PLD1: variants seen among roughly 807,000 people sequenced by gnomAD.
The protein encoded by PLD1 is choline phosphatase 1.
A neutral mutation model predicts 137.1 loss-of-function variants in PLD1; 112 were observed. The ratio of observed to expected loss-of-function variants is 0.82; its 90% CI spans 0.70 to 0.96. PLD1 has a LOEUF of 0.96. PLD1 is among the 40% of genes least tolerant of loss of function. The probability of loss-of-function intolerance (pLI) is 0.00; values close to 1 mark genes in which losing one functional copy is unlikely to be tolerated. For missense variants in PLD1, 1,321 were observed against 1,342.0 expected, an observed-to-expected ratio of 0.98 and a Z score of 0.24; for synonymous variants, 431 against 454.7, an observed-to-expected ratio of 0.95 and a Z score of 0.66.
chr3:171,627,502 A>G (rs1389075313), intron 23 of PLD1, among the ~76,000 whole-genome samples: 6 of 152,192 alleles, frequency 3.9e-5, no homozygotes, highest in Admixed American at 6.5e-5. Context: ...CTCTGCACCA[A>G]GCGGACCTAA....
intron 19 of PLD1, among the ~76,000 whole-genome samples, chr3:171,673,324 C>G (rs552841241): frequency 8.5e-5 from 13 of 152,182 alleles, no homozygotes; most frequent in African/African-American, 3.1e-4. Context: ...CTCTGTCACC[C>G]AGGCTGGACT....
chr3:171,614,790 G>A (rs1732961539), intron 24 of PLD1, among the ~76,000 whole-genome samples: 1 of 152,212 alleles, frequency 6.6e-6, no homozygotes, highest in African/African-American at 2.4e-5. Flanking sequence ...CGGGTCAGGA[G>A]AACCTGGGAT....
intron 23 of PLD1, among the ~76,000 whole-genome samples, chr3:171,638,822 G>T (rs1243667604): frequency 6.6e-6 from 1 of 152,140 alleles, no homozygotes; most frequent in African/African-American, 2.4e-5. Context: ...ATTAGCATTT[G>T]AATTCGTGGA....
intron 17 of PLD1, 131 bp from the exon 18 acceptor site, chr3:171,676,964 A>T (rs1053059192): frequency 2.8e-5 from 17 of 610,664 alleles, no homozygotes; most frequent in African/African-American, 2.6e-4. Flanking sequence ...TGGCTTGCAT[A>T]GAACAACATT....
intron 1 of PLD1, among the ~76,000 whole-genome samples, chr3:171,739,113 G>A (rs150034315): frequency 3.3e-4 from 50 of 152,280 alleles, no homozygotes; most frequent in African/African-American, 1.2e-3. Flanking sequence ...TATGGGTGAG[G>A]AAAATGAGGC....
At position 171,600,703 on chromosome 3, in the gene PLD1, T is replaced by TA. The variant is rs1483871548; in HGVS notation, c.*2374dup. 1 of 149,748 alleles carries TA rather than the reference T, an allele frequency of 6.7e-6. No individual in the cohort carries two copies. The highest frequency in any genetic ancestry group is 1.5e-5 in the Non-Finnish European group (1 of 67,512). 9.3% of individuals were successfully genotyped at this position (149,748 alleles called of 1,614,324 possible). A position where few individuals can be genotyped will look rare whatever the true frequency, so the allele number is the denominator to read the frequency against. On this transcript the variant is annotated 3_prime_UTR_variant, in exon 27 of 27. Transcript: ENST00000351298. The stretch of plus-strand genomic sequence containing the variant: ...AGCAATTATTGCACTGAATTTTCCA[T>TA]AAAATCCCTCCAAGTAAATCTTATC...
chr3:171,603,456 A>G (rs1176544752), intron 26 of PLD1, among the ~76,000 whole-genome samples, 154 bp from the exon 27 acceptor site: 1 of 152,214 alleles, frequency 6.6e-6, no homozygotes, highest in Non-Finnish European at 1.5e-5. Context: ...AGAGTTGGTT[A>G]TCTTATAACC....
intron 12 of PLD1, among the ~76,000 whole-genome samples, chr3:171,695,432 T>C (rs1405023853): frequency 6.6e-6 from 1 of 152,204 alleles, no homozygotes; most frequent in Non-Finnish European, 1.5e-5. Context: ...TCTGGTGAAC[T>C]CAGCTGACCC....
chr3:171,800,232 G>A (rs951111267), intron 1 of PLD1, among the ~76,000 whole-genome samples: 1 of 151,962 alleles, frequency 6.6e-6, no homozygotes, highest in African/African-American at 2.4e-5. Context: ...TTTTTTAGAT[G>A]GAGTCTCGCT....
At chr3:171,639,846 C>CTATATATATATATA (rs771002250) in intron 23 of PLD1, among the ~76,000 whole-genome samples, 7 of 103,860 alleles carry the variant, frequency 6.7e-5, no homozygotes, top group Admixed American at 2.2e-4. Flanking sequence ...CTCTCTCTCT[C>CTATATATATATATA]TCTATATATA....
At chr3:171,623,978 T>C (rs1733865176) in intron 23 of PLD1, among the ~76,000 whole-genome samples, 1 of 149,666 alleles carries the variant, frequency 6.7e-6, no homozygotes, top group Admixed American at 6.6e-5. Context: ...GTAAGAAAGA[T>C]TTTGTAAGTA....
chr3:171,728,561 T>C (rs1463926829), intron 6 of PLD1, among the ~76,000 whole-genome samples: 1 of 152,196 alleles, frequency 6.6e-6, no homozygotes, highest in African/African-American at 2.4e-5. Flanking sequence ...TAGTTTACAT[T>C]TGAAGACTAT....
intron 19 of PLD1, among the ~76,000 whole-genome samples, chr3:171,669,496 G>C (rs2108458818): frequency 6.6e-6 from 1 of 152,286 alleles, no homozygotes; most frequent in African/African-American, 2.4e-5. Flanking sequence ...CTGCCTCCTG[G>C]GTTCAAGCGA....
chr3:171,676,706 T>C lies in PLD1; in HGVS notation c.2115+9A>G. ...ATGTGGATAAATCATGATAGCAACA[T>C]CCAAGTACTTTTGTGAAGTTCCAGC... On this transcript the variant is annotated intron_variant, in intron 18 of 26. Transcript: ENST00000351298. 1 of 1,602,340 alleles carries C rather than the reference T, an allele frequency of 6.2e-7. No individual in the cohort carries two copies. The highest frequency in any genetic ancestry group is 2.2e-5 in the East Asian group (1 of 44,808).
intron 19 of PLD1, among the ~76,000 whole-genome samples, chr3:171,667,543 T>C (rs1228596940): frequency 6.6e-6 from 1 of 152,084 alleles, no homozygotes; most frequent in East Asian, 1.9e-4. Flanking sequence ...AGTTGGGTGT[T>C]CTTGGGAGCC....
chr3:171,762,651 G>A (rs1023363849), intron 1 of PLD1, among the ~76,000 whole-genome samples: 8 of 152,190 alleles, frequency 5.3e-5, no homozygotes, highest in East Asian at 1.9e-4. Flanking sequence ...TGGAAAGCCC[G>A]TTCCAGGAGA....
chr3:171,781,500 C>G (rs1375239483), intron 1 of PLD1, among the ~76,000 whole-genome samples: 2 of 151,936 alleles, frequency 1.3e-5, no homozygotes, highest in African/African-American at 4.8e-5. Context: ...AAAATATGTG[C>G]AAATCATATA....
intron 21 of PLD1, among the ~76,000 whole-genome samples, chr3:171,646,857 A>G (rs1736266669): frequency 6.6e-6 from 1 of 152,168 alleles, no homozygotes; most frequent in African/African-American, 2.4e-5. Context: ...CAGCCCAGTG[A>G]CAGGAGACTA....
At chr3:171,775,832 C>T (rs981184229) in intron 1 of PLD1, among the ~76,000 whole-genome samples, 10 of 151,814 alleles carry the variant, frequency 6.6e-5, no homozygotes, top group African/African-American at 1.9e-4. Flanking sequence ...GACAGAGGGA[C>T]ACTCTGTCTC....
Sources: allele counts gnomAD v4.1 joint callset (sites outside exome capture counted in the v4.1 genomes callset), GRCh38; gene constraint gnomAD v4.1.1; transcripts MANE v1.5; gene names NCBI Gene and HGNC (gene_info 2026-07-23, HGNC 2026-07-21).